Variants in SEMA5A observed in about 807,000 individuals in gnomAD.
The protein encoded by SEMA5A is semaphorin 5A.
A neutral mutation model predicts 135.5 loss-of-function variants in SEMA5A; 55 were observed. The observed-to-expected ratio is 0.41, with a 90% CI of 0.33 to 0.51. The LOEUF is 0.51. Ranked by LOEUF, SEMA5A falls within the 20% of genes least tolerant of loss-of-function variation. The pLI, the probability that SEMA5A is intolerant of heterozygous loss-of-function variation, is 0.37. For synonymous variants in SEMA5A, 580 were observed against 546.5 expected, an observed-to-expected ratio of 1.06 and a Z score of -0.85; for missense variants, 1,290 against 1,419.9, an observed-to-expected ratio of 0.91 and a Z score of 1.47.
chr5:9,183,639 C>T (rs577569765), intron 11 of SEMA5A, among the ~76,000 whole-genome samples: 2 of 152,300 alleles, frequency 1.3e-5, no homozygotes, highest in Admixed American at 1.3e-4. Flanking sequence ...GACCAATGAG[C>T]GGTCCTTCTC....
chr5:9,292,178 T>C (rs1226326937), intron 5 of SEMA5A, among the ~76,000 whole-genome samples: 1 of 152,192 alleles, frequency 6.6e-6, no homozygotes, highest in African/African-American at 2.4e-5. Context: ...CTCCTTTCCC[T>C]TTGTTGAATG....
intron 8 of SEMA5A, 76 bp downstream of exon 8, chr5:9,224,592 TGTTGTA>T: frequency 8.5e-7 from 1 of 1,171,470 alleles, no homozygotes; most frequent in Non-Finnish European, 1.3e-6. Flanking sequence ...TTATTTAGAG[TGTTGTA>T]GTTTGCTTTT....
intron 5 of SEMA5A, among the ~76,000 whole-genome samples, chr5:9,257,067 T>C (rs1178335624): frequency 2.1e-4 from 32 of 152,332 alleles, no homozygotes; most frequent in Middle Eastern, 3.4e-3. Context: ...GTTGGGTCTG[T>C]AGTCTTCTGT....
chr5:9,162,312 T>C (rs1743299678), intron 11 of SEMA5A, among the ~76,000 whole-genome samples: 1 of 151,872 alleles, frequency 6.6e-6, no homozygotes, highest in Admixed American at 6.6e-5. Flanking sequence ...GGAAATCAGA[T>C]GTATTTATTC....
intron 2 of SEMA5A, among the ~76,000 whole-genome samples, chr5:9,401,491 C>T (rs1756660789): frequency 6.6e-6 from 1 of 152,134 alleles, no homozygotes; most frequent in African/African-American, 2.4e-5. Context: ...TGTGCAATTA[C>T]AATGACTCAG....
chr5:9,424,831 A>G (rs1561242177), intron 2 of SEMA5A, among the ~76,000 whole-genome samples: 1 of 152,020 alleles, frequency 6.6e-6, no homozygotes, highest in African/African-American at 2.4e-5. Context: ...TTCTCCTTCT[A>G]CACTAACAAC....
intron 1 of SEMA5A, among the ~76,000 whole-genome samples, chr5:9,500,033 CATCT>C (rs1376189278): frequency 6.6e-6 from 1 of 152,062 alleles, no homozygotes; most frequent in African/African-American, 2.4e-5. Flanking sequence ...AGCCAGTATC[CATCT>C]GTTACTCATA....
chr5:9,388,759 C>T (rs1448208400), intron 2 of SEMA5A, among the ~76,000 whole-genome samples: 9 of 152,024 alleles, frequency 5.9e-5, no homozygotes, highest in Non-Finnish European at 7.4e-5. Flanking sequence ...ATTAGCCGGG[C>T]ATGGTAGCGG....
chr5:9,050,002 T>C (rs1343953750), intron 21 of SEMA5A, among the ~76,000 whole-genome samples: 1 of 152,242 alleles, frequency 6.6e-6, no homozygotes, highest in East Asian at 1.9e-4. Flanking sequence ...GTTTGAATTC[T>C]ACTTTACTCA....
At chr5:9,088,814 G>A (rs1579371645) in intron 16 of SEMA5A, among the ~76,000 whole-genome samples, 1 of 152,062 alleles carries the variant, frequency 6.6e-6, no homozygotes, top group Admixed American at 6.5e-5. Context: ...GTTACCAGCA[G>A]AATAAAAGTC....
intron 5 of SEMA5A, among the ~76,000 whole-genome samples, chr5:9,307,965 T>C (rs1751949834): frequency 6.6e-6 from 1 of 152,030 alleles, no homozygotes; most frequent in Non-Finnish European, 1.5e-5. Context: ...AATTTAGAAA[T>C]GGATAAAGAG....
At chr5:9,359,090 C>T (rs1183692739) in intron 3 of SEMA5A, among the ~76,000 whole-genome samples, 2 of 152,080 alleles carry the variant, frequency 1.3e-5, no homozygotes, top group African/African-American at 4.8e-5. Flanking sequence ...GCACCCAAAC[C>T]AGACACATAC....
chr5:9,332,134 T>C (rs983659599), intron 4 of SEMA5A, among the ~76,000 whole-genome samples: 4 of 151,518 alleles, frequency 2.6e-5, no homozygotes, highest in African/African-American at 4.9e-5. Flanking sequence ...GTACTCACAC[T>C]GGGTCAGGTG....
At chr5:9,290,520 C>G (rs891257900) in intron 5 of SEMA5A, among the ~76,000 whole-genome samples, 1 of 152,092 alleles carries the variant, frequency 6.6e-6, no homozygotes, top group South Asian at 2.1e-4. Context: ...TTTTGGAAAG[C>G]AATTACGGTC....
intron 1 of SEMA5A, among the ~76,000 whole-genome samples, chr5:9,482,267 T>C (rs982220349): frequency 1.3e-5 from 2 of 152,152 alleles, no homozygotes; most frequent in African/African-American, 4.8e-5. Context: ...TGTCCAAATG[T>C]GGCACAAAGG....
intron 16 of SEMA5A, among the ~76,000 whole-genome samples, chr5:9,069,070 T>C (rs1418117211): frequency 6.6e-6 from 1 of 152,176 alleles, no homozygotes; most frequent in Admixed American, 6.5e-5. Context: ...GCTCAGGGTT[T>C]TCACCGGGGT....
intron 4 of SEMA5A, among the ~76,000 whole-genome samples, chr5:9,335,573 AG>A (rs749727237): frequency 1.0e-3 from 154 of 152,272 alleles, no homozygotes; most frequent in Middle Eastern, 3.4e-3. Flanking sequence ...GAGATGAATG[AG>A]GGATGCAAGA....
chr5:9,265,370 C>G (rs1749629388), intron 5 of SEMA5A: 1 of 454,076 alleles, frequency 2.2e-6, no homozygotes, highest in South Asian at 1.6e-5. Flanking sequence ...CAGCTCCCTA[C>G]CAGACCATAT....
chr5:9,542,834 A>G (rs1225498120), intron 1 of SEMA5A, among the ~76,000 whole-genome samples: 1 of 152,178 alleles, frequency 6.6e-6, no homozygotes, highest in Admixed American at 6.5e-5. Context: ...TTGTAGCTCA[A>G]ACCTCTTCCT....
Sources: gnomAD v4.1 joint callset for allele counts (sites outside exome capture counted in the v4.1 genomes callset) on GRCh38, gnomAD v4.1.1 for gene constraint, MANE v1.5 for transcripts, NCBI Gene and HGNC (gene_info 2026-07-23, HGNC 2026-07-21) for gene names.